The following ARHGEF37 variants were observed in gnomAD, a reference collection of about 807,000 sequenced individuals.
ARHGEF37 encodes the protein Rho guanine nucleotide exchange factor 37.
In ARHGEF37, 55 loss-of-function variants were observed where a neutral mutation model predicts 71.1. That is an observed-to-expected ratio of 0.77 (90% confidence interval 0.62 to 0.97). The LOEUF (loss-of-function observed/expected upper bound fraction) is 0.97. Ranked by LOEUF, ARHGEF37 falls within the 50% of genes least tolerant of loss-of-function variation. The pLI, the probability that ARHGEF37 is intolerant of heterozygous loss-of-function variation, is 0.00. For missense variants in ARHGEF37, 765 were observed against 836.8 expected (o/e 0.91, Z 1.06); for synonymous variants, 327 against 350.6 (o/e 0.93, Z 0.75).
intron 1 of ARHGEF37, among the ~76,000 whole-genome samples, chr5:149,573,252 C>T (rs767958756): frequency 1.3e-5 from 2 of 152,186 alleles, no homozygotes; most frequent in Non-Finnish European, 2.9e-5. Context: ...CCTCCCAACA[C>T]CACCACATGG....
chr5:149,620,097 A>G (rs992887633), intron 7 of ARHGEF37, among the ~76,000 whole-genome samples: 1 of 152,178 alleles, frequency 6.6e-6, no homozygotes, highest in Non-Finnish European at 1.5e-5. Flanking sequence ...AGAAAAAGAA[A>G]AAAACCCCAC....
intron 1 of ARHGEF37, among the ~76,000 whole-genome samples, chr5:149,563,930 G>A (rs998665168): frequency 3.7e-4 from 55 of 149,482 alleles, no homozygotes; most frequent in Non-Finnish European, 6.2e-4. Flanking sequence ...CCACGCATAG[G>A]TAATAATTAG....
At chr5:149,592,577 AT>A (rs957594467) in intron 1 of ARHGEF37, among the ~76,000 whole-genome samples, 140 of 152,170 alleles carry the variant, frequency 9.2e-4, no homozygotes, top group African/African-American at 3.3e-3. Context: ...GTTTTTGAAT[AT>A]TACAAATAAA....
intron 3 of ARHGEF37, among the ~76,000 whole-genome samples, chr5:149,602,013 T>G (rs574379149): frequency 2.6e-4 from 39 of 152,168 alleles, no homozygotes; most frequent in African/African-American, 8.4e-4. Flanking sequence ...CTGGACAGTT[T>G]TGAGTGGGGA....
chr5:149,586,197 G>A (rs1407542211), intron 1 of ARHGEF37, among the ~76,000 whole-genome samples: 1 of 152,102 alleles, frequency 6.6e-6, no homozygotes, highest in Non-Finnish European at 1.5e-5. Flanking sequence ...GAAGTGTGAT[G>A]GAAATCAGTG....
intron 1 of ARHGEF37, among the ~76,000 whole-genome samples, chr5:149,582,835 A>G (rs1057322394): frequency 1.3e-5 from 2 of 152,244 alleles, no homozygotes; most frequent in Non-Finnish European, 2.9e-5. Flanking sequence ...AAAATCATCA[A>G]AGCTGTGGGA....
At chr5:149,602,799 G>A (rs1022120736) in intron 3 of ARHGEF37, among the ~76,000 whole-genome samples, 2 of 152,110 alleles carry the variant, frequency 1.3e-5, no homozygotes, top group Non-Finnish European at 2.9e-5. Flanking sequence ...ATTCACTACA[G>A]TGGCAGAAAG....
intron 1 of ARHGEF37, among the ~76,000 whole-genome samples, chr5:149,562,318 G>A (rs1004840546): frequency 3.9e-5 from 6 of 152,174 alleles, no homozygotes; most frequent in African/African-American, 1.4e-4. Flanking sequence ...AGAGTATTTT[G>A]TGATTCACTG....
intron 1 of ARHGEF37, among the ~76,000 whole-genome samples, chr5:149,571,493 C>T (rs982847612): frequency 3.3e-5 from 5 of 152,064 alleles, no homozygotes; most frequent in Admixed American, 6.6e-5. Context: ...AGAAGACCTA[C>T]GTAAATGGGG....
At chr5:149,599,583 C>T (rs1454832171) in intron 2 of ARHGEF37, among the ~76,000 whole-genome samples, 1 of 152,164 alleles carries the variant, frequency 6.6e-6, no homozygotes, top group Non-Finnish European at 1.5e-5. Flanking sequence ...TGCCACCACA[C>T]CGAGCCATGA....
chr5:149,611,667 C>A (rs1030193676), intron 4 of ARHGEF37, among the ~76,000 whole-genome samples: 41 of 152,340 alleles, frequency 2.7e-4, no homozygotes, highest in African/African-American at 9.9e-4. Context: ...AATAACAGCC[C>A]CGCATGGGGC....
Position 149,618,295 on chromosome 5 carries a change from C to T in ARHGEF37, c.778C>T (p.Leu260=). The change falls in exon 6 of 13, where the codon CTG becomes TTG. Residue 260 remains leucine (L), a synonymous_variant. Coordinates refer to ENST00000333677, the MANE Select transcript of ARHGEF37 (RefSeq NM_001001669.3). ...LSQLLKQEAG[L]IPRTEDKEFD... ...CCAGCTGCTGAAGCAGGAGGCGGGGCTGATCCCCAGGGTGAGCGTGCGCCT... is the reference window on the plus strand; with the variant it reads ...CCAGCTGCTGAAGCAGGAGGCGGGGTTGATCCCCAGGGTGAGCGTGCGCCT... 1.2e-6 allele frequency: 2 copies of T among 1,614,200 alleles called. No individual in the cohort carries two copies. Among genetic ancestry groups the T allele is most frequent in the South Asian group, 2.2e-5 (2 of 91,084 alleles).
chr5:149,617,232 G>T (rs1034684800), intron 5 of ARHGEF37, among the ~76,000 whole-genome samples: 10 of 152,166 alleles, frequency 6.6e-5, no homozygotes, highest in Non-Finnish European at 4.4e-5. Flanking sequence ...TGTTGCCAGG[G>T]GTTTGGAATT....
At chr5:149,571,905 C>CAAA (rs150393350) in intron 1 of ARHGEF37, among the ~76,000 whole-genome samples, 2,628 of 77,152 alleles carry the variant, frequency 0.034, 105 homozygotes, top group South Asian at 0.098. Context: ...GACCCTGTCT[C>CAAA]AAAAAAAAAA....
upstream of ARHGEF37, chr5:149,581,448 C>G (rs1262952652): frequency 6.6e-6 from 1 of 151,988 alleles, no homozygotes; most frequent in Non-Finnish European, 1.5e-5. Context: ...TCGCGGCGCA[C>G]GCACGCAGGC....
At chr5:149,580,989 G>C (rs527264883), upstream of ARHGEF37, among the ~76,000 whole-genome samples, 1 of 152,298 alleles carries the variant, frequency 6.6e-6, no homozygotes, top group African/African-American at 2.4e-5. Flanking sequence ...CTTGCTCCCA[G>C]TAGAGTGAAA....
At chr5:149,573,058 A>G (rs901813350) in intron 1 of ARHGEF37, among the ~76,000 whole-genome samples, 6 of 152,222 alleles carry the variant, frequency 3.9e-5, no homozygotes, top group African/African-American at 1.4e-4. Context: ...AGACACATGC[A>G]AAGAGAGAAA....
Position 149,621,809 on chromosome 5 carries a change from T to A in ARHGEF37, c.1082T>A (p.Ile361Asn), listed in dbSNP as rs1441030979. 1 of 1,614,182 alleles carries A rather than the reference T, an allele frequency of 6.2e-7. No homozygotes were observed. Among genetic ancestry groups the A allele is most frequent in the South Asian group, 1.1e-5 (1 of 91,088 alleles). Residue 361 changes from isoleucine (I) to asparagine (N), a missense_variant, in exon 9 of 13, where the codon ATC becomes AAC. This residue lies in a region of ARHGEF37 where 390 missense variants were observed against 407.4 expected (regional missense o/e 0.96). Transcript: ENST00000333677. ...GCCCTGCTTGGCCCTCAGAACCTGA[T>A]CAAGAAGCGTCTGGACAAGCTACTG... ...AKALLGPQNL[I>N]KKRLDKLLDF... is the part of the protein sequence containing the mutation.
upstream of ARHGEF37, among the ~76,000 whole-genome samples, chr5:149,576,602 TA>T (rs756430928): frequency 9.2e-5 from 14 of 152,248 alleles, no homozygotes; most frequent in Non-Finnish European, 1.9e-4. Flanking sequence ...TGTTATGTGA[TA>T]AATGTGTGAG....
Sources: gnomAD v4.1 joint callset for allele counts (sites outside exome capture counted in the v4.1 genomes callset) on GRCh38, gnomAD v4.1.1 for gene constraint, gnomAD v4.1.1 regional missense constraint, MANE v1.5 for transcripts, NCBI Gene and HGNC (gene_info 2026-07-23, HGNC 2026-07-21) for gene names.